The following MGAT4C variants were observed in gnomAD, a reference collection of about 807,000 sequenced individuals.
MGAT4C encodes MGAT4 family member C, also known as alpha-1,3-mannosyl-glycoprotein 4-beta-N-acetylglucosaminyltransferase C.
MGAT4C carries 19 observed loss-of-function variants against 40.1 expected under a neutral mutation model. The ratio of observed to expected loss-of-function variants is 0.47; its 90% CI spans 0.33 to 0.70. MGAT4C has a LOEUF of 0.70. Among genes scored for constraint, MGAT4C ranks in the 30% least tolerant of loss-of-function variants. The pLI is 0.02. For synonymous variants in MGAT4C, 181 were observed against 187.1 expected, an observed-to-expected ratio of 0.97 and a Z score of 0.27; for missense variants, 491 against 563.2, an observed-to-expected ratio of 0.87 and a Z score of 1.30.
At chr12:86,523,702 A>G (rs1302925632) in intron 2 of MGAT4C, among the ~76,000 whole-genome samples, 1 of 152,078 alleles carries the variant, frequency 6.6e-6, no homozygotes, top group Non-Finnish European at 1.5e-5. Flanking sequence ...GCATCTCACT[A>G]TTATTGTGCA....
intron 2 of MGAT4C, among the ~76,000 whole-genome samples, chr12:86,532,022 T>C (rs541785229): frequency 2.6e-5 from 4 of 152,108 alleles, no homozygotes; most frequent in African/African-American, 9.6e-5. Context: ...CTCAAACTTC[T>C]ATTTTAAAAT....
intron 2 of MGAT4C, among the ~76,000 whole-genome samples, chr12:86,435,575 C>T (rs905735095): frequency 3.0e-4 from 45 of 151,840 alleles, no homozygotes; most frequent in African/African-American, 1.1e-3. Flanking sequence ...TACTTAGCAC[C>T]TATATGTCTT....
intron 2 of MGAT4C, among the ~76,000 whole-genome samples, chr12:86,637,833 G>C (rs999181871): frequency 3.3e-5 from 5 of 151,928 alleles, no homozygotes; most frequent in African/African-American, 1.2e-4. Flanking sequence ...ATCTTAGTCT[G>C]ATAGGACTGT....
At chr12:86,561,199 C>T (rs1225393210) in intron 2 of MGAT4C, among the ~76,000 whole-genome samples, 3 of 152,112 alleles carry the variant, frequency 2.0e-5, no homozygotes, top group Non-Finnish European at 2.9e-5. Context: ...TCAAAATACT[C>T]ATGACATTTT....
chr12:86,058,369 C>T (rs1893603730), intron 1 of MGAT4C, among the ~76,000 whole-genome samples: 1 of 151,982 alleles, frequency 6.6e-6, no homozygotes, highest in Non-Finnish European at 1.5e-5. Flanking sequence ...GTTCAAATTC[C>T]TCTCATGACT....
At chr12:86,479,017 A>G (rs1306330099) in intron 2 of MGAT4C, among the ~76,000 whole-genome samples, 3 of 152,018 alleles carry the variant, frequency 2.0e-5, no homozygotes, top group Non-Finnish European at 4.4e-5. Flanking sequence ...TTTACACCAC[A>G]TTGTCTGAAT....
chr12:86,235,938 GA>G (rs1259351541), intron 1 of MGAT4C, among the ~76,000 whole-genome samples: 2 of 152,166 alleles, frequency 1.3e-5, no homozygotes, highest in South Asian at 4.1e-4. Flanking sequence ...AAAAACCTAA[GA>G]AGCAAGTCTA....
In MGAT4C at chr12:86,207,368, C is replaced by T. The variant is rs189582348; in HGVS notation, c.-57+48871G>A. ...ATACATGTGCCATGGTGGTTCATTG[C>T]ACCTATCAACCTGTCATTTAGGTTT... On this transcript the variant is annotated intron_variant, in intron 1 of 4. Transcript: ENST00000611864. 1.2e-3 allele frequency among the ~76,000 whole-genome samples: 188 copies of T among 152,046 alleles called. 1 individual carries two copies. The highest frequency in any genetic ancestry group is 4.3e-3 in the African/African-American group (177 of 41,470).
rs138582887 is a variant in MGAT4C at position 86,081,888 on chromosome 12, A to G, written c.-56-32165T>C. On this transcript the variant is annotated intron_variant, in intron 1 of 4. Transcript: ENST00000611864. Reference sequence around the variant, plus strand: ...ATGGGATGTGTTGCAAAGAGTAGACAACTGAAATGCTTGCTTAAAATCTTC... The same window carrying G: ...ATGGGATGTGTTGCAAAGAGTAGACGACTGAAATGCTTGCTTAAAATCTTC... 3.9e-4 allele frequency among the ~76,000 whole-genome samples: 60 copies of G among 152,282 alleles called. 1 individual carries two copies. The East Asian group carries it at 0.011, about 28-fold the overall frequency.
chr12:86,604,007 CAT>C (rs1474094966), intron 2 of MGAT4C, among the ~76,000 whole-genome samples: 1 of 151,346 alleles, frequency 6.6e-6, no homozygotes, highest in Non-Finnish European at 1.5e-5. Context: ...CTATTATAAA[CAT>C]ATATAATTTT....
At chr12:86,603,335 T>C (rs1267280909) in intron 2 of MGAT4C, among the ~76,000 whole-genome samples, 1 of 135,922 alleles carries the variant, frequency 7.4e-6, no homozygotes. Flanking sequence ...AATTATATAG[T>C]ATAGTATATA....
At chr12:86,555,683 C>A (rs1012361455) in intron 2 of MGAT4C, among the ~76,000 whole-genome samples, 9 of 152,186 alleles carry the variant, frequency 5.9e-5, no homozygotes, top group African/African-American at 1.9e-4. Context: ...AGTAACAGAG[C>A]AAATGCTAAA....
intron 2 of MGAT4C, among the ~76,000 whole-genome samples, chr12:86,701,299 T>C (rs377563621): frequency 1.3e-5 from 2 of 152,102 alleles, no homozygotes. Context: ...GATGCCGTTT[T>C]TCCAACAGCA....
chr12:86,818,180 A>G lies in MGAT4C; in HGVS notation c.-262+20486T>C, dbSNP rs115558601. ...TTTAAGTTATGCAACATAAGACAAA[A>G]TTTCCATCATGAATTCAAAACATAA... On this transcript the variant is annotated intron_variant, in intron 1 of 7. Transcript: ENST00000548651. Among the ~76,000 whole-genome samples, 281 of 151,450 alleles carry G rather than the reference A, an allele frequency of 1.9e-3. 1 individual carries two copies. The highest frequency in any genetic ancestry group is 6.6e-3 in the African/African-American group (272 of 41,518).
At chr12:86,592,874 A>G (rs1961386052) in intron 2 of MGAT4C, among the ~76,000 whole-genome samples, 2 of 152,220 alleles carry the variant, frequency 1.3e-5, no homozygotes, top group Non-Finnish European at 2.9e-5. Flanking sequence ...CCTTAATGAT[A>G]TATCAACATT....
At chr12:86,529,809 A>C (rs926941103) in intron 2 of MGAT4C, among the ~76,000 whole-genome samples, 3 of 151,858 alleles carry the variant, frequency 2.0e-5, no homozygotes, top group Non-Finnish European at 4.4e-5. Flanking sequence ...CTTGGTATCC[A>C]TGAGGGATTC....
At chr12:86,668,970 C>A (rs1964183801) in intron 2 of MGAT4C, among the ~76,000 whole-genome samples, 1 of 152,032 alleles carries the variant, frequency 6.6e-6, no homozygotes, top group South Asian at 2.1e-4. Flanking sequence ...GCTGCCTCAC[C>A]CTTTCTAACA....
rs941471268 is a variant in MGAT4C, at chr12:86,549,888, T to C, written c.-228-114623A>G. ...TGACCCAGAGTCGGGAGTGAGTTCC[T>C]GTTGTGGGGAAAGAGAAGCAGACTG... is the stretch of plus-strand genomic sequence containing the variant. On this transcript the variant is annotated intron_variant, in intron 2 of 7. Transcript: ENST00000548651. Among the ~76,000 whole-genome samples the C allele has an allele frequency of 2.6e-5, 4 of 152,290 alleles. No individual in the cohort carries two copies. In the East Asian group the frequency reaches 7.7e-4, roughly 29 times the overall value.
At chr12:86,636,187 A>G (rs940609999) in intron 2 of MGAT4C, among the ~76,000 whole-genome samples, 3 of 152,078 alleles carry the variant, frequency 2.0e-5, no homozygotes, top group African/African-American at 7.2e-5. Context: ...GCATGAGGAC[A>G]TTGCCTAAGG....
Sources: allele counts gnomAD v4.1 joint callset (sites outside exome capture counted in the v4.1 genomes callset), GRCh38; gene constraint gnomAD v4.1.1; transcripts MANE v1.5; gene names NCBI Gene and HGNC (gene_info 2026-07-23, HGNC 2026-07-21).